Variants in OR2F1 observed in about 807,000 individuals in gnomAD.
OR2F1 encodes the protein olfactory receptor family 2 subfamily F member 1, also known as olfactory receptor 2F1.
For missense variants in OR2F1, 389 were observed against 378.2 expected (o/e 1.03, Z -0.24); for synonymous variants, 146 against 155.3 (o/e 0.94, Z 0.44).
chr7:143,961,243 T>C lies in OR2F1; in HGVS notation c.*319T>C. On this transcript the variant is annotated 3_prime_UTR_variant, in exon 3 of 3. Transcript: ENST00000641412. ...GTCATATCGTTTGTAATGATAGACCTACTCATGGATCTTACCTTGGACCAC... is the reference window on the plus strand; with the variant it reads ...GTCATATCGTTTGTAATGATAGACCCACTCATGGATCTTACCTTGGACCAC... 3.9e-6 allele frequency: 1 copy of C among 254,954 alleles called. No individual in the cohort carries two copies. The highest frequency in any genetic ancestry group is 7.6e-6 in the Non-Finnish European group (1 of 132,184). The allele number at this position is 254,954 out of a possible 1,614,324, so 15.8% of individuals were successfully genotyped here.
chr7:143,956,974 AAAG>A (rs2050290409), intron 1 of OR2F1, among the ~76,000 whole-genome samples: 1 of 152,182 alleles, frequency 6.6e-6, no homozygotes, highest in African/African-American at 2.4e-5. Flanking sequence ...CGATAGTAAA[AAAG>A]AACTCAGGAG....
Position 143,964,049 on chromosome 7 carries a change from T to G in OR2F1, c.*3125T>G, listed in dbSNP as rs973259805. On this transcript the variant is annotated 3_prime_UTR_variant, in exon 3 of 3. Coordinates refer to ENST00000641412, the MANE Select transcript of OR2F1 (RefSeq NM_012369.3). ...AATTTCAATTTTTATCTTTTTTATT[T>G]GATAGAGTTTTTAATTTCAAGGCTG... is the stretch of plus-strand genomic sequence containing the variant. The G allele has an allele frequency of 1.3e-5, 2 of 152,188 alleles. No homozygotes were observed. The highest frequency in any genetic ancestry group is 2.9e-5 in the Non-Finnish European group (2 of 68,040). 9.4% of individuals were successfully genotyped at this position (152,188 alleles called of 1,614,324 possible).
chr7:143,960,907 T>A lies in OR2F1; in HGVS notation c.937T>A (p.Ser313Thr), dbSNP rs1296212948. Residue 313 changes from serine to threonine, a missense_variant, in exon 3 of 3, where the codon TCA becomes ACA. Coordinates refer to ENST00000641412, the MANE Select transcript of OR2F1 (RefSeq NM_012369.3). The part of the protein sequence containing the change: ...KLLWKFSGLT[S>T]KLAT ...ATTATGGAAATTCTCTGGGTTAACA[T>A]CAAAGCTGGCAACTTGACTCATGAG... The A allele has an allele frequency of 6.2e-7, 1 of 1,608,164 alleles. No individual in the cohort carries two copies.
At chr7:143,959,442 A>C (rs909769191) in intron 2 of OR2F1, among the ~76,000 whole-genome samples, 2 of 152,180 alleles carry the variant, frequency 1.3e-5, no homozygotes, top group Admixed American at 6.5e-5. Flanking sequence ...CAACATCATG[A>C]ATCTGCCTAA....
chr7:143,960,609 G>C lies in OR2F1; in HGVS notation c.639G>C (p.Leu213=). ...SIVLLMTPFC[L]VLLSYIQIIS... is the part of the protein sequence containing the mutation. ...TTCTTCTGATGACACCCTTCTGCCT[G>C]GTTCTTTTGTCCTACATCCAGATCA... The change falls in exon 3 of 3, where the codon CTG becomes CTC. Residue 213 remains leucine (L), a synonymous_variant. Transcript: ENST00000641412. The C allele has an allele frequency of 6.2e-7, 1 of 1,614,112 alleles. No homozygotes were observed. Among genetic ancestry groups the C allele is most frequent in the Non-Finnish European group, 8.5e-7 (1 of 1,180,028 alleles).
chr7:143,956,884 G>C (rs2050289907), intron 1 of OR2F1, among the ~76,000 whole-genome samples: 1 of 152,024 alleles, frequency 6.6e-6, no homozygotes, highest in Non-Finnish European at 1.5e-5. Flanking sequence ...TAAAGGAAGA[G>C]AATGTATTCT....
Position 143,960,594 on chromosome 7 carries a change from G to A in OR2F1, c.624G>A (p.Met208Ile), listed in dbSNP as rs751561030. 3 of 1,614,130 alleles carry A rather than the reference G, an allele frequency of 1.9e-6. No individual in the cohort carries two copies. Among genetic ancestry groups the A allele is most frequent in the Non-Finnish European group, 2.5e-6 (3 of 1,180,024 alleles). Residue 208 changes from methionine to isoleucine, a missense_variant, in exon 3 of 3, where the codon ATG becomes ATA. By Grantham distance (10) the Met-to-Ile change is conservative (BLOSUM62 1). Transcript: ENST00000641412. The stretch of plus-strand genomic sequence containing the variant: ...TGGTGTCTAGCATTGTTCTTCTGAT[G>A]ACACCCTTCTGCCTGGTTCTTTTGT... ...TIMVSSIVLL[M>I]TPFCLVLLSY...
At chr7:143,957,670 A>C (rs1348850267) in intron 1 of OR2F1, among the ~76,000 whole-genome samples, 1 of 152,198 alleles carries the variant, frequency 6.6e-6, no homozygotes, top group Non-Finnish European at 1.5e-5. Context: ...GAGTAAATGA[A>C]GAAAGAATAT....
intron 1 of OR2F1, among the ~76,000 whole-genome samples, chr7:143,956,720 A>G (rs1028916221): frequency 5.9e-5 from 9 of 152,134 alleles, no homozygotes; most frequent in African/African-American, 1.9e-4. Flanking sequence ...ATTTTATATA[A>G]TTAACTTGGA....
At chr7:143,955,360 G>A (rs1453561438) in intron 1 of OR2F1, among the ~76,000 whole-genome samples, 2 of 152,042 alleles carry the variant, frequency 1.3e-5, no homozygotes, top group Non-Finnish European at 2.9e-5. Flanking sequence ...ATTATGTGAT[G>A]TAAAGGATCA....
Position 143,963,378 on chromosome 7 carries a change from T to C in OR2F1, c.*2454T>C, listed in dbSNP as rs2050344582. Reference sequence around the variant, plus strand: ...GTTCTTCCTGGAAGGGTTATCCAAGTCTTGATATCTCAGGAAGCAGAAATG... The same window carrying C: ...GTTCTTCCTGGAAGGGTTATCCAAGCCTTGATATCTCAGGAAGCAGAAATG... On this transcript the variant is annotated 3_prime_UTR_variant, in exon 3 of 3. Transcript: ENST00000641412. 1 of 152,160 alleles carries C rather than the reference T, an allele frequency of 6.6e-6. No homozygotes were observed. Among genetic ancestry groups the C allele is most frequent in the African/African-American group, 2.4e-5 (1 of 41,414 alleles). 9.4% of individuals were successfully genotyped at this position (152,160 alleles called of 1,614,324 possible).
Position 143,960,079 on chromosome 7 carries a change from G to A in OR2F1, c.109G>A (p.Val37Met), listed in dbSNP as rs766794607. Reference sequence around the variant, plus strand: ...TGTCCTGTTCTTGGTCATGTATGTGGTGACCGTGCTGGGGAACTGTCTCAT... The same window carrying A: ...TGTCCTGTTCTTGGTCATGTATGTGATGACCGTGCTGGGGAACTGTCTCAT... ...LFVLFLVMYV[V>M]TVLGNCLIVL... Residue 37 changes from valine to methionine, a missense_variant, in exon 3 of 3, where the codon GTG becomes ATG. Coordinates refer to ENST00000641412, the MANE Select transcript of OR2F1 (RefSeq NM_012369.3). 1.1e-5 allele frequency: 17 copies of A among 1,613,998 alleles called. No individual in the cohort carries two copies. The highest frequency in any genetic ancestry group is 1.4e-5 in the Non-Finnish European group (17 of 1,180,016).
intron 1 of OR2F1, among the ~76,000 whole-genome samples, chr7:143,958,379 C>T (rs765859857): frequency 2.0e-5 from 3 of 151,966 alleles, no homozygotes; most frequent in Non-Finnish European, 2.9e-5. Flanking sequence ...CTGGTGGGAG[C>T]ATCAGGACAG....
rs1433166091 is a variant in OR2F1, at chr7:143,960,206, C to T, written c.236C>T (p.Pro79Leu). ...GTCTCCTATGCCACAAGTGTAGTCC[C>T]TCAGCTGCTGGCACATTTTCTTGCA... ...VDVSYATSVV[P>L]QLLAHFLAEH... Residue 79 changes from proline (P) to leucine (L), a missense_variant, in exon 3 of 3, where the codon CCT becomes CTT. Pro to Leu is a moderately conservative substitution (Grantham distance 98). Transcript: ENST00000641412. 6.2e-7 allele frequency: 1 copy of T among 1,614,062 alleles called. No individual in the cohort carries two copies. Among genetic ancestry groups the T allele is most frequent in the Non-Finnish European group, 8.5e-7 (1 of 1,180,038 alleles).
intron 2 of OR2F1, 24 bp from the exon 3 acceptor site, chr7:143,959,924 G>GT (rs772328131): frequency 3.8e-5 from 55 of 1,430,316 alleles, no homozygotes; most frequent in Middle Eastern, 1.8e-4. Flanking sequence ...AACAGCTTCT[G>GT]TTTTTTTCTG....
chr7:143,959,910 A>G, intron 2 of OR2F1, 38 bp from the exon 3 acceptor site: 2 of 1,301,418 alleles, frequency 1.5e-6, no homozygotes, highest in East Asian at 4.6e-5. Flanking sequence ...TCTTATAGTT[A>G]TTCAACAGCT....
chr7:143,955,609 C>T (rs1477178911), intron 1 of OR2F1, among the ~76,000 whole-genome samples: 1 of 152,112 alleles, frequency 6.6e-6, no homozygotes, highest in Non-Finnish European at 1.5e-5. Flanking sequence ...AGTGATTATC[C>T]TACATTCACC....
chr7:143,960,997 A>G lies in OR2F1; in HGVS notation c.*73A>G, dbSNP rs1017462414. ...CCCAGCTGAGATCTGACAGGTGTAAACTACATTGCCCTGGCAACCAGGAAG... is the reference window on the plus strand; with the variant it reads ...CCCAGCTGAGATCTGACAGGTGTAAGCTACATTGCCCTGGCAACCAGGAAG... On this transcript the variant is annotated 3_prime_UTR_variant, in exon 3 of 3. Coordinates refer to ENST00000641412, the MANE Select transcript of OR2F1 (RefSeq NM_012369.3). 2.5e-6 allele frequency: 3 copies of G among 1,181,904 alleles called. No individual in the cohort carries two copies. The African/African-American group carries it at 4.6e-5, about 18-fold the overall frequency. 73.2% of individuals were successfully genotyped at this position (1,181,904 alleles called of 1,614,324 possible). A position where few individuals can be genotyped will look rare whatever the true frequency, so the allele number is the denominator to read the frequency against.
intron 2 of OR2F1, among the ~76,000 whole-genome samples, 167 bp downstream of exon 2, chr7:143,959,275 C>T (rs1001332388): frequency 1.3e-5 from 2 of 152,020 alleles, no homozygotes; most frequent in Non-Finnish European, 2.9e-5. Context: ...GTACTTTCCC[C>T]ATATGTTATT....
Sources: gnomAD v4.1 joint callset for allele counts (sites outside exome capture counted in the v4.1 genomes callset) on GRCh38, gnomAD v4.1.1 for gene constraint, MANE v1.5 for transcripts, NCBI Gene and HGNC (gene_info 2026-07-23, HGNC 2026-07-21) for gene names.